The following RSF1 variants were observed in gnomAD, a reference collection of about 807,000 sequenced individuals.
The protein encoded by RSF1 is remodeling and spacing factor 1.
In RSF1, 13 loss-of-function variants were observed where a neutral mutation model predicts 145.2. The ratio of observed to expected loss-of-function variants is 0.09; its 90% CI spans 0.06 to 0.14. The LOEUF is 0.14. Ranked by LOEUF, RSF1 falls within the 10% of genes least tolerant of loss-of-function variation. The pLI, the probability that RSF1 is intolerant of heterozygous loss-of-function variation, is 1.00. For missense variants in RSF1, 1,517 were observed against 1,718.2 expected (o/e 0.88, Z 2.07); for synonymous variants, 577 against 592.6 (o/e 0.97, Z 0.38).
At chr11:77,859,551 C>T in the RSF1 span, among the ~76,000 whole-genome samples, 31 of 152,120 alleles carry the variant, frequency 2.0e-4, no homozygotes, top group Non-Finnish European at 2.8e-4. Flanking sequence ...TTCTAGTGCC[C>T]GAGTGAGGGC....
At chr11:77,788,253 A>G (rs897727335) in intron 1 of RSF1, among the ~76,000 whole-genome samples, 3 of 150,304 alleles carry the variant, frequency 2.0e-5, no homozygotes, top group African/African-American at 7.3e-5. Flanking sequence ...AAAGTGAGAA[A>G]AACAAAAACA....
rs1412310679 is a variant in RSF1, at chr11:77,661,047, T to C, written c.*5870A>G. 2 of 152,212 alleles carry C rather than the reference T, an allele frequency of 1.3e-5. No individual in the cohort carries two copies. The highest frequency in any genetic ancestry group is 4.8e-5 in the African/African-American group (2 of 41,462). The allele number at this position is 152,212 out of a possible 1,614,324, so 9.4% of individuals were successfully genotyped here. A position where few individuals can be genotyped will look rare whatever the true frequency, so the allele number is the denominator to read the frequency against. ...AATACTTAGTGAATAAGGAAGGAACTGAAACTTGAATTTGACTTCTCTTGC... is the reference window on the plus strand; with the variant it reads ...AATACTTAGTGAATAAGGAAGGAACCGAAACTTGAATTTGACTTCTCTTGC... On this transcript the variant is annotated 3_prime_UTR_variant, in exon 16 of 16. Transcript: ENST00000308488.
chr11:77,797,091 A>G (rs1948579981), intron 1 of RSF1, among the ~76,000 whole-genome samples: 1 of 152,234 alleles, frequency 6.6e-6, no homozygotes, highest in Non-Finnish European at 1.5e-5. Context: ...TGCCAAAAGT[A>G]ATTTATAGAT....
intron 3 of RSF1, among the ~76,000 whole-genome samples, chr11:77,743,105 CT>C (rs1947959241): frequency 6.6e-6 from 1 of 152,234 alleles, no homozygotes; most frequent in African/African-American, 2.4e-5. Flanking sequence ...GTCGATATAT[CT>C]GCTTTTTACC....
chr11:77,793,788 A>C (rs1005873153), intron 1 of RSF1, among the ~76,000 whole-genome samples: 1 of 152,186 alleles, frequency 6.6e-6, no homozygotes, highest in Non-Finnish European at 1.5e-5. Flanking sequence ...TGGTCGAAGA[A>C]GACAACCATC....
chr11:77,761,093 C>T (rs10793262), intron 2 of RSF1, among the ~76,000 whole-genome samples: 38,608 of 151,744 alleles, frequency 0.25, 5,620 homozygotes, highest in South Asian at 0.49. Context: ...CTTGCCACCA[C>T]GCCCAGCTAA....
intron 1 of RSF1, among the ~76,000 whole-genome samples, chr11:77,777,867 T>C (rs1290493488): frequency 6.6e-6 from 1 of 151,330 alleles, no homozygotes; most frequent in Non-Finnish European, 1.5e-5. Flanking sequence ...AATTATTCCA[T>C]TGTATTGAAA....
intron 2 of RSF1, among the ~76,000 whole-genome samples, chr11:77,750,022 C>G (rs1171521875): frequency 2.0e-5 from 3 of 151,900 alleles, no homozygotes; most frequent in Non-Finnish European, 4.4e-5. Flanking sequence ...GCTGGGATTA[C>G]AGGTGTGAGC....
chr11:77,732,223 A>G (rs951768473), intron 4 of RSF1, among the ~76,000 whole-genome samples: 2 of 152,228 alleles, frequency 1.3e-5, no homozygotes, highest in Non-Finnish European at 2.9e-5. Flanking sequence ...TCGGACTTGC[A>G]TGGGGCCTAC....
At chr11:77,737,839 C>G (rs539944971) in intron 4 of RSF1, among the ~76,000 whole-genome samples, 1 of 151,822 alleles carries the variant, frequency 6.6e-6, no homozygotes, top group African/African-American at 2.4e-5. Context: ...GTAAGAAAAG[C>G]GAATAGCTGG....
chr11:77,698,267 G>A (rs1369910151), intron 7 of RSF1, among the ~76,000 whole-genome samples: 1 of 152,156 alleles, frequency 6.6e-6, no homozygotes, highest in Non-Finnish European at 1.5e-5. Flanking sequence ...TTATGTAGAG[G>A]AAATATCAAT....
chr11:77,778,789 T>C (rs547186387), intron 1 of RSF1, among the ~76,000 whole-genome samples: 14 of 152,384 alleles, frequency 9.2e-5, no homozygotes, highest in South Asian at 6.2e-4. Flanking sequence ...GTGACATCAC[T>C]TTTCTGATTT....
Position 77,790,682 on chromosome 11 carries a change from C to T in RSF1, c.188-25993G>A, listed in dbSNP as rs528078278. ...CAGGAAGTTGATAAATACAGCCATTCCAAATGGGAGACACTGACCAAAACA... is the reference window on the plus strand; with the variant it reads ...CAGGAAGTTGATAAATACAGCCATTTCAAATGGGAGACACTGACCAAAACA... On this transcript the variant is annotated intron_variant, in intron 1 of 15. Transcript: ENST00000308488. Among the ~76,000 whole-genome samples the T allele has an allele frequency of 2.0e-5, 3 of 152,270 alleles. No individual in the cohort carries two copies. In the South Asian group the frequency reaches 6.2e-4, roughly 32 times the overall value.
At chr11:77,845,318 A>T in the RSF1 span, among the ~76,000 whole-genome samples, 1 of 152,050 alleles carries the variant, frequency 6.6e-6, no homozygotes, top group Non-Finnish European at 1.5e-5. Context: ...CAGACTGGAT[A>T]ATCTCAATTG....
chr11:77,792,177 G>A (rs1000948367), intron 1 of RSF1, among the ~76,000 whole-genome samples: 11 of 152,098 alleles, frequency 7.2e-5, no homozygotes, highest in African/African-American at 2.7e-4. Flanking sequence ...AGCTTGTGCA[G>A]GGAAACTCCC....
the RSF1 span, among the ~76,000 whole-genome samples, chr11:77,856,366 T>G: frequency 1.3e-5 from 2 of 152,202 alleles, no homozygotes; most frequent in Non-Finnish European, 2.9e-5. Flanking sequence ...ATTTCCAAAT[T>G]TGCCCTCATC....
chr11:77,736,009 T>G (rs7122968), intron 4 of RSF1, among the ~76,000 whole-genome samples: 32,331 of 152,242 alleles, frequency 0.21, 3,550 homozygotes, highest in Middle Eastern at 0.25. Flanking sequence ...AGTGCTGGGA[T>G]TACAGGTGTG....
At chr11:77,810,290 T>C (rs1421273160) in intron 1 of RSF1, among the ~76,000 whole-genome samples, 2 of 152,222 alleles carry the variant, frequency 1.3e-5, no homozygotes, top group Non-Finnish European at 2.9e-5. Context: ...CCAATTACCA[T>C]GTCACATGGC....
intron 1 of RSF1, among the ~76,000 whole-genome samples, chr11:77,802,558 T>G (rs1948636286): frequency 6.6e-6 from 1 of 152,200 alleles, no homozygotes; most frequent in Admixed American, 6.5e-5. Context: ...TAATTTTTTT[T>G]TTGAGACAGA....
Sources: gnomAD v4.1 joint callset for allele counts (sites outside exome capture counted in the v4.1 genomes callset) on GRCh38, gnomAD v4.1.1 for gene constraint, MANE v1.5 for transcripts, NCBI Gene and HGNC (gene_info 2026-07-23, HGNC 2026-07-21) for gene names.